B3GLCT: variants seen among roughly 807,000 people sequenced by gnomAD.
The protein encoded by B3GLCT is beta 3-glucosyltransferase.
B3GLCT carries 65 observed loss-of-function variants against 63.4 expected under a neutral mutation model. The observed-to-expected ratio is 1.03, with a 90% CI of 0.84 to 1.26. The LOEUF (loss-of-function observed/expected upper bound fraction) is 1.26. Ranked by LOEUF, B3GLCT falls within the 50% of genes most tolerant of loss-of-function variation. The pLI, the probability that B3GLCT is intolerant of heterozygous loss-of-function variation, is 0.00. For synonymous variants in B3GLCT, 233 were observed against 219.2 expected, an observed-to-expected ratio of 1.06 and a Z score of -0.55; for missense variants, 577 against 604.8, an observed-to-expected ratio of 0.95 and a Z score of 0.48.
chr13:31,232,690 C>G (rs559230449), intron 4 of B3GLCT, among the ~76,000 whole-genome samples: 15 of 152,336 alleles, frequency 9.8e-5, no homozygotes, highest in African/African-American at 3.6e-4. Flanking sequence ...TCATGTATCC[C>G]CATAAAGGTT....
chr13:31,276,796 T>C (rs777256172), intron 10 of B3GLCT, 25 bp downstream of exon 10: 4 of 1,545,458 alleles, frequency 2.6e-6, no homozygotes, highest in Non-Finnish European at 3.6e-6. Context: ...ATTCATTTTA[T>C]TGAACGCTAA....
At chr13:31,225,258 G>T (rs1319589424) in intron 3 of B3GLCT, among the ~76,000 whole-genome samples, 6 of 152,212 alleles carry the variant, frequency 3.9e-5, no homozygotes, top group Non-Finnish European at 8.8e-5. Context: ...GTTTAAAGAA[G>T]TGCAACCAAG....
chr13:31,214,500 C>A (rs924538454), intron 1 of B3GLCT, among the ~76,000 whole-genome samples: 1 of 152,190 alleles, frequency 6.6e-6, no homozygotes, highest in African/African-American at 2.4e-5. Context: ...CTCTCCCGGC[C>A]CCATTGCCTT....
At chr13:31,239,428 G>T (rs955537996) in intron 4 of B3GLCT, among the ~76,000 whole-genome samples, 1 of 152,152 alleles carries the variant, frequency 6.6e-6, no homozygotes, top group Non-Finnish European at 1.5e-5. Flanking sequence ...GAGAGTTTGT[G>T]CAATGATCTA....
At chr13:31,275,704 C>T (rs533846337) in intron 9 of B3GLCT, among the ~76,000 whole-genome samples, 9 of 152,116 alleles carry the variant, frequency 5.9e-5, no homozygotes, top group African/African-American at 1.7e-4. Context: ...AAAATGTGTT[C>T]ACCAACCTCA....
At position 31,241,430 on chromosome 13, in the gene B3GLCT, C is replaced by T. The variant is rs1448056521; in HGVS notation, c.271-5593C>T. Among the ~76,000 whole-genome samples the T allele has an allele frequency of 2.6e-5, 4 of 152,204 alleles. No homozygotes were observed. In the East Asian group the frequency reaches 5.8e-4, roughly 22 times the overall value. On this transcript the variant is annotated intron_variant, in intron 4 of 14. Coordinates refer to ENST00000343307, the MANE Select transcript of B3GLCT (RefSeq NM_194318.4). ...TGCAAGTGTGCAGAGGAGGTGGGGG[C>T]TCCATGAACATGGTGCCAGTGGTGT...
In B3GLCT at chr13:31,222,816, A is replaced by G; in HGVS notation, c.121-136A>G. On this transcript the variant is annotated intron_variant, in intron 2 of 14. Transcript: ENST00000343307. ...GGTTTCGGTCTCATTTCTTTAGGGA[A>G]GCGTTTCCAAGCTCCGTTTTTCAAA... 4 of 668,428 alleles carry G rather than the reference A, an allele frequency of 6.0e-6. 1 individual carries two copies. The South Asian group carries it at 6.5e-5, about 11-fold the overall frequency. The allele number at this position is 668,428 out of a possible 1,614,324, so 41.4% of individuals were successfully genotyped here.
At chr13:31,207,076 G>A (rs1466220207) in intron 1 of B3GLCT, among the ~76,000 whole-genome samples, 1 of 152,164 alleles carries the variant, frequency 6.6e-6, no homozygotes, top group Non-Finnish European at 1.5e-5. Context: ...CATGGATTGA[G>A]TGGTACTGAA....
chr13:31,215,053 T>C lies in B3GLCT; in HGVS notation c.73T>C (p.Phe25Leu). 2 of 1,608,894 alleles carry C rather than the reference T, an allele frequency of 1.2e-6. No individual in the cohort carries two copies. Among genetic ancestry groups the C allele is most frequent in the Non-Finnish European group, 1.7e-6 (2 of 1,179,212 alleles). The change falls in exon 2 of 15, where the codon TTT (phenylalanine) becomes CTT (leucine). Residue 25 changes from phenylalanine to leucine, a missense_variant and splice_region_variant. By Grantham distance (22) the Phe-to-Leu change is conservative. Coordinates refer to ENST00000343307, the MANE Select transcript of B3GLCT (RefSeq NM_194318.4). ...ATTTCTTTTTTTTTTTTTTCCAGCT[T>C]TTGGTTTGGCTTCTGAAGATACAAA... ...LLALLTCSLA[F>L]GLASEDTKKE...
chr13:31,253,848 G>A (rs1349218419), intron 6 of B3GLCT, among the ~76,000 whole-genome samples: 4 of 151,780 alleles, frequency 2.6e-5, no homozygotes, highest in Non-Finnish European at 5.9e-5. Context: ...AATGATAAAG[G>A]GGATATCACC....
At chr13:31,259,711 A>ATC in intron 6 of B3GLCT, among the ~76,000 whole-genome samples, 1 of 151,868 alleles carries the variant, frequency 6.6e-6, no homozygotes, top group South Asian at 2.1e-4. Flanking sequence ...GCTGTGTGCT[A>ATC]TCTGCAGCTC....
intron 3 of B3GLCT, among the ~76,000 whole-genome samples, chr13:31,228,929 A>G (rs1421044561): frequency 6.6e-6 from 1 of 152,226 alleles, no homozygotes. Context: ...ATGCGGGAGC[A>G]CATTCTCAGT....
chr13:31,229,922 G>T (rs1178596436), intron 4 of B3GLCT, among the ~76,000 whole-genome samples: 1 of 151,454 alleles, frequency 6.6e-6, no homozygotes, highest in Non-Finnish European at 1.5e-5. Flanking sequence ...ATAAAAGCAA[G>T]TAGAAGAAAT....
chr13:31,261,264 A>G (rs1378006530), intron 7 of B3GLCT, among the ~76,000 whole-genome samples, 182 bp downstream of exon 7: 1 of 152,218 alleles, frequency 6.6e-6, no homozygotes, highest in East Asian at 1.9e-4. Flanking sequence ...GCTGTCATTT[A>G]CTAGACCCTT....
chr13:31,279,591 A>G (rs1279091791), intron 10 of B3GLCT, among the ~76,000 whole-genome samples: 1 of 152,214 alleles, frequency 6.6e-6, no homozygotes, highest in Admixed American at 6.5e-5. Context: ...AGGTAATAAA[A>G]TAGCACAAGG....
intron 14 of B3GLCT, among the ~76,000 whole-genome samples, chr13:31,324,899 G>A (rs965867350): frequency 2.0e-5 from 3 of 151,928 alleles, no homozygotes; most frequent in African/African-American, 7.3e-5. Context: ...AGAGATGGGG[G>A]TCTTACTATG....
At chr13:31,261,647 A>G (rs148306136) in intron 7 of B3GLCT, among the ~76,000 whole-genome samples, 40 of 152,340 alleles carry the variant, frequency 2.6e-4, no homozygotes, top group African/African-American at 8.9e-4. Flanking sequence ...CAGGAGAAGT[A>G]TGGTTGTTGA....
At chr13:31,208,953 T>C (rs1869122881) in intron 1 of B3GLCT, among the ~76,000 whole-genome samples, 1 of 151,938 alleles carries the variant, frequency 6.6e-6, no homozygotes, top group Non-Finnish European at 1.5e-5. Context: ...GAGGGGTCCC[T>C]GCCCGGCCGG....
intron 5 of B3GLCT, 75 bp downstream of exon 5, chr13:31,247,174 A>G: frequency 8.3e-7 from 1 of 1,204,214 alleles, no homozygotes; most frequent in Non-Finnish European, 1.2e-6. Context: ...TCTTTTTATT[A>G]AGAGGGTGTG....
Sources: gnomAD v4.1 joint callset for allele counts (sites outside exome capture counted in the v4.1 genomes callset) on GRCh38, gnomAD v4.1.1 for gene constraint, MANE v1.5 for transcripts, NCBI Gene and HGNC (gene_info 2026-07-23, HGNC 2026-07-21) for gene names.